The following DIPK2A variants were observed in gnomAD, a reference collection of about 807,000 sequenced individuals.
The protein encoded by DIPK2A is divergent protein kinase domain 2A, also known as Golgi Protein of 49 kDa.
A neutral mutation model predicts 39.0 loss-of-function variants in DIPK2A; 27 were observed. That is an observed-to-expected ratio of 0.69 (90% confidence interval 0.51 to 0.96). The LOEUF (loss-of-function observed/expected upper bound fraction) is 0.96, where lower values mean the gene tolerates loss of function less well. Ranked by LOEUF, DIPK2A falls within the 40% of genes least tolerant of loss-of-function variation. The pLI is 0.00. For synonymous variants in DIPK2A, 298 were observed against 240.8 expected, an observed-to-expected ratio of 1.24 and a Z score of -2.20; for missense variants, 528 against 571.3, an observed-to-expected ratio of 0.92 and a Z score of 0.77.
At chr3:143,978,640 C>CTATATATATATATATA (rs35495369) in intron 1 of DIPK2A, 1 of 117,008 alleles carries the variant, frequency 8.5e-6, no homozygotes, top group African/African-American at 3.3e-5. Context: ...ATATATATAT[C>CTATATATATATATATA]TATATATATA....
At chr3:143,980,752 C>CA (rs1362476972) in intron 1 of DIPK2A, among the ~76,000 whole-genome samples, 2 of 151,744 alleles carry the variant, frequency 1.3e-5, no homozygotes, top group Admixed American at 1.3e-4. Flanking sequence ...TCAAGTTTAA[C>CA]AAAAATCAGT....
rs1007783412 is a variant in DIPK2A, at chr3:143,972,315, TGCGG to T, written c.-5_-2del. The T allele has an allele frequency of 3.1e-5, 42 of 1,348,668 alleles. 1 individual carries two copies. The African/African-American group carries it at 3.4e-4, about 11-fold the overall frequency. 83.5% of individuals were successfully genotyped at this position (1,348,668 alleles called of 1,614,324 possible). ...CCCGGGGGTGCCCTCGCCCTCCCGTTGCGGGCGGGCGGGCGGTATGTGGCGCCTG... is the reference window on the plus strand; with the variant it reads ...CCCGGGGGTGCCCTCGCCCTCCCGTTGCGGGCGGGCGGTATGTGGCGCCTG... On this transcript the variant is annotated 5_prime_UTR_variant, in exon 1 of 3. Transcript: ENST00000315691.
chr3:143,972,923 C>G lies in DIPK2A; in HGVS notation c.591C>G (p.Leu197=), dbSNP rs771030441. 13 of 1,590,418 alleles carry G rather than the reference C, an allele frequency of 8.2e-6. No homozygotes were observed. In the East Asian group the frequency reaches 3.0e-4, roughly 36 times the overall value. Residue 197 remains leucine, a synonymous_variant, in exon 1 of 3, where the codon CTC becomes CTG. Transcript: ENST00000315691. ...KDSGSFLLRN[L]KDSERMQLLL... ...CGGGCAGCTTCCTGCTTCGCAACCT[C>G]AAGGACTCGGAGCGCATGCAGCTGC...
Position 143,972,462 on chromosome 3 carries a change from C to T in DIPK2A, c.130C>T (p.Leu44=), listed in dbSNP as rs1432833607. The T allele has an allele frequency of 6.2e-7, 1 of 1,603,750 alleles. No homozygotes were observed. The highest frequency in any genetic ancestry group is 1.7e-5 in the Admixed American group (1 of 59,526). ...GCTCGCCTCTTGGCAGCGCAACGAA[C>T]TGACCGACCGGCGCTTCCTGCAGCT... ...SLLASWQRNE[L]TDRRFLQLNK... Residue 44 remains leucine, a synonymous_variant, in exon 1 of 3, where the codon CTG becomes TTG. Coordinates refer to ENST00000315691, the MANE Select transcript of DIPK2A (RefSeq NM_173552.5).
At chr3:143,984,261 T>G (rs933521668) in intron 1 of DIPK2A, among the ~76,000 whole-genome samples, 7 of 152,188 alleles carry the variant, frequency 4.6e-5, no homozygotes, top group African/African-American at 1.7e-4. Flanking sequence ...GCGTAGCACT[T>G]CTGATTTCTT....
intron 2 of DIPK2A, among the ~76,000 whole-genome samples, chr3:143,988,462 G>A (rs1296625768): frequency 6.6e-6 from 1 of 152,074 alleles, no homozygotes; most frequent in African/African-American, 2.4e-5. Context: ...TGCCCTTGGT[G>A]CTTCTGCTAC....
At chr3:143,987,438 T>C (rs143290301) in intron 2 of DIPK2A, among the ~76,000 whole-genome samples, 268 of 152,366 alleles carry the variant, frequency 1.8e-3, no homozygotes, top group African/African-American at 6.1e-3. Flanking sequence ...ACTGTGGTCA[T>C]TTCTTTTCAA....
intron 1 of DIPK2A, among the ~76,000 whole-genome samples, chr3:143,976,325 ATG>A (rs2087727996): frequency 6.6e-6 from 1 of 151,804 alleles, no homozygotes; most frequent in African/African-American, 2.4e-5. Flanking sequence ...CTTCACTAAG[ATG>A]TGTGTATTTT....
chr3:143,986,944 G>A (rs1018819989), intron 2 of DIPK2A, among the ~76,000 whole-genome samples: 7 of 152,028 alleles, frequency 4.6e-5, no homozygotes, highest in Admixed American at 3.9e-4. Context: ...ACGGCACCTG[G>A]GGAAAAGTTT....
At position 143,992,223 on chromosome 3, in the gene DIPK2A, G is replaced by T. The variant is rs1364080280; in HGVS notation, c.*2382G>T. 1.3e-5 allele frequency: 2 copies of T among 152,540 alleles called. No individual in the cohort carries two copies. The highest frequency in any genetic ancestry group is 1.3e-4 in the Admixed American group (2 of 15,268). 9.4% of individuals were successfully genotyped at this position (152,540 alleles called of 1,614,324 possible). Reference sequence around the variant, plus strand: ...AATATTTTTGAATCAGACATTTGGGGTTTGTATGTGCATTAAAATTGTCTT... The same window carrying T: ...AATATTTTTGAATCAGACATTTGGGTTTTGTATGTGCATTAAAATTGTCTT... On this transcript the variant is annotated 3_prime_UTR_variant, in exon 3 of 3. Transcript: ENST00000315691.
intron 1 of DIPK2A, among the ~76,000 whole-genome samples, chr3:143,974,343 T>C (rs1416686056): frequency 2.0e-5 from 3 of 152,294 alleles, no homozygotes; most frequent in Admixed American, 6.5e-5. Flanking sequence ...GTGTATTGGG[T>C]TAATTTTAAA....
At chr3:143,984,753 A>G (rs1175320203) in intron 1 of DIPK2A, among the ~76,000 whole-genome samples, 1 of 152,120 alleles carries the variant, frequency 6.6e-6, no homozygotes, top group Non-Finnish European at 1.5e-5. Context: ...CCTTGCTAAG[A>G]TAAGAGTAAT....
At position 143,972,183 on chromosome 3, in the gene DIPK2A, C is replaced by G; in HGVS notation, c.-150C>G. The G allele has an allele frequency of 1.7e-6, 1 of 594,758 alleles. No individual in the cohort carries two copies. Among genetic ancestry groups the G allele is most frequent in the Admixed American group, 4.2e-5 (1 of 23,586 alleles). 36.8% of individuals were successfully genotyped at this position (594,758 alleles called of 1,614,324 possible). A position where few individuals can be genotyped will look rare whatever the true frequency, so the allele number is the denominator to read the frequency against. ...CCGCGCCTTCCCGCTCCCCGTCTTCCTCTCTCACACACCTACTCCGCCCTC... is the reference window on the plus strand; with the variant it reads ...CCGCGCCTTCCCGCTCCCCGTCTTCGTCTCTCACACACCTACTCCGCCCTC... On this transcript the variant is annotated 5_prime_UTR_variant, in exon 1 of 3. Coordinates refer to ENST00000315691, the MANE Select transcript of DIPK2A (RefSeq NM_173552.5).
At position 143,985,608 on chromosome 3, in the gene DIPK2A, T is replaced by C; in HGVS notation, c.723T>C (p.Ala241=). ...TTGGAGCTTGTGGAAGAATGGTGGC[T>C]GTAAATTATGTTGGAGAAGAACTGT... ...KYLGACGRMV[A]VNYVGEELWS... Residue 241 remains alanine (A), a synonymous_variant, in exon 2 of 3, where the codon GCT becomes GCC. Coordinates refer to ENST00000315691, the MANE Select transcript of DIPK2A (RefSeq NM_173552.5). 6.2e-7 allele frequency: 1 copy of C among 1,614,174 alleles called. No homozygotes were observed.
In DIPK2A at chr3:143,989,789, C is replaced by T. The variant is rs1369701458; in HGVS notation, c.1241C>T (p.Ala414Val). Residue 414 changes from alanine to valine, a missense_variant, in exon 3 of 3, where the codon GCT (alanine) becomes GTT (valine). Physicochemically the swap from Ala to Val is moderately conservative, Grantham distance 64. This residue lies in a region of DIPK2A where 219 missense variants were observed against 281.5 expected (regional missense o/e 0.78). Coordinates refer to ENST00000315691, the MANE Select transcript of DIPK2A (RefSeq NM_173552.5). ...AAGAAGCGCTATGGCAGATTCCAGG[C>T]TGCAAAAGAACTGCGTGAATACCTA... ...NPKKRYGRFQ[A>V]AKELREYLAQ... 1 of 1,614,018 alleles carries T rather than the reference C, an allele frequency of 6.2e-7. No individual in the cohort carries two copies. Among genetic ancestry groups the T allele is most frequent in the East Asian group, 2.2e-5 (1 of 44,898 alleles).
chr3:143,972,741 C>G lies in DIPK2A; in HGVS notation c.409C>G (p.Leu137Val). Reference protein sequence around the residue: ...KRATGRPRCDLLQAMPRTEFA... With the variant: ...KRATGRPRCDVLQAMPRTEFA... ...GGCCACCGGCCGGCCCCGCTGCGAC[C>G]TGCTGCAGGCCATGCCCCGGACCGA... is the stretch of plus-strand genomic sequence containing the variant. The change falls in exon 1 of 3, where the codon CTG becomes GTG. Residue 137 changes from leucine (L) to valine (V), a missense_variant. Leu to Val is a conservative substitution (Grantham distance 32). This residue lies in a region of DIPK2A where 309 missense variants were observed against 289.8 expected (regional missense o/e 1.07). Transcript: ENST00000315691. 1 of 1,583,736 alleles carries G rather than the reference C, an allele frequency of 6.3e-7. No homozygotes were observed.
chr3:143,973,413 C>T, intron 1 of DIPK2A: 1 of 1,550,166 alleles, frequency 6.5e-7, no homozygotes, highest in South Asian at 1.2e-5. Context: ...TGTTCTACAC[C>T]GCGTTCGCTC....
At chr3:143,975,803 A>AT (rs2087720569) in intron 1 of DIPK2A, among the ~76,000 whole-genome samples, 1 of 152,002 alleles carries the variant, frequency 6.6e-6, no homozygotes, top group South Asian at 2.1e-4. Flanking sequence ...GACAAACTAG[A>AT]TTTTTCTTAT....
intron 2 of DIPK2A, among the ~76,000 whole-genome samples, chr3:143,987,652 G>A (rs2087922803): frequency 6.6e-6 from 1 of 152,176 alleles, no homozygotes. Context: ...TTGAGAACTT[G>A]TTACATCAGT....
Sources: gnomAD v4.1 joint callset for allele counts (sites outside exome capture counted in the v4.1 genomes callset) on GRCh38, gnomAD v4.1.1 for gene constraint, gnomAD v4.1.1 regional missense constraint, MANE v1.5 for transcripts, NCBI Gene and HGNC (gene_info 2026-07-23, HGNC 2026-07-21) for gene names.